NTM: variants seen among roughly 807,000 people sequenced by gnomAD.
NTM encodes neurotrimin.
In NTM, 13 loss-of-function variants were observed where a neutral mutation model predicts 42.1. That is an observed-to-expected ratio of 0.31 (90% CI 0.20 to 0.49). The LOEUF is 0.49. Ranked by LOEUF, NTM falls within the 20% of genes least tolerant of loss-of-function variation. The probability of loss-of-function intolerance (pLI) is 0.99; values close to 1 mark genes in which losing one functional copy is unlikely to be tolerated. For missense variants in NTM, 373 were observed against 452.8 expected (o/e 0.82, Z 1.60); for synonymous variants, 187 against 179.2 (o/e 1.04, Z -0.35).
chr11:131,728,788 G>A (rs528009383), intron 1 of NTM, among the ~76,000 whole-genome samples: 7 of 152,138 alleles, frequency 4.6e-5, no homozygotes, highest in South Asian at 2.1e-4. Context: ...AGGGCTGAAC[G>A]TCCCAACTCT....
At chr11:131,382,580 C>T (rs1942822229) in intron 1 of NTM, among the ~76,000 whole-genome samples, 1 of 152,090 alleles carries the variant, frequency 6.6e-6, no homozygotes, top group African/African-American at 2.4e-5. Flanking sequence ...CAAAACTTTG[C>T]CCCTCCCTAA....
chr11:131,883,801 C>T (rs1400339877), intron 1 of NTM, among the ~76,000 whole-genome samples: 1 of 152,184 alleles, frequency 6.6e-6, no homozygotes, highest in Non-Finnish European at 1.5e-5. Context: ...AGGTAAACTT[C>T]ACTCCCCTAC....
At chr11:131,660,573 C>T (rs1592409464) in intron 1 of NTM, 1 of 457,586 alleles carries the variant, frequency 2.2e-6, no homozygotes, top group South Asian at 1.5e-5. Flanking sequence ...AGCGGCTCCT[C>T]ATGCCTCGAA....
chr11:131,830,468 G>GATGGCTGT (rs2042680379), intron 1 of NTM, among the ~76,000 whole-genome samples: 1 of 152,172 alleles, frequency 6.6e-6, no homozygotes, highest in South Asian at 2.1e-4. Flanking sequence ...TCAAAGATCA[G>GATGGCTGT]ATGGCTGTAG....
At chr11:131,969,626 G>A (rs145970170) in intron 2 of NTM, among the ~76,000 whole-genome samples, 7 of 152,260 alleles carry the variant, frequency 4.6e-5, no homozygotes, top group African/African-American at 1.7e-4. Flanking sequence ...GGCATATGAT[G>A]TGAATAGAAG....
chr11:131,821,224 A>G (rs987107312), intron 1 of NTM, among the ~76,000 whole-genome samples: 2 of 152,204 alleles, frequency 1.3e-5, no homozygotes, highest in Non-Finnish European at 2.9e-5. Flanking sequence ...AAGCATTACC[A>G]TCATCCTAAT....
At chr11:131,789,617 A>AAGAAGAAGAAGAAGAAGAAGAAGG (rs2090423203) in intron 1 of NTM, among the ~76,000 whole-genome samples, 1 of 83,066 alleles carries the variant, frequency 1.2e-5, no homozygotes, top group Non-Finnish European at 2.4e-5. Flanking sequence ...GAAGAAGAAG[A>AAGAAGAAGAAGAAGAAGAAGAAGG]AGAAGAAGAA....
intron 1 of NTM, among the ~76,000 whole-genome samples, chr11:131,491,108 T>G (rs566998917): frequency 6.6e-6 from 1 of 151,662 alleles, no homozygotes; most frequent in Non-Finnish European, 1.5e-5. Flanking sequence ...TCATAGACCT[T>G]GAAAGAAACT....
At chr11:131,514,570 AT>A (rs1565587244) in intron 1 of NTM, among the ~76,000 whole-genome samples, 1 of 151,386 alleles carries the variant, frequency 6.6e-6, no homozygotes, top group Non-Finnish European at 1.5e-5. Flanking sequence ...TTGTTTTGTG[AT>A]TTATTTATTT....
intron 6 of NTM, among the ~76,000 whole-genome samples, chr11:132,313,720 A>G (rs2095345390): frequency 6.6e-6 from 1 of 152,146 alleles, no homozygotes; most frequent in Non-Finnish European, 1.5e-5. Flanking sequence ...TTACCCTTTT[A>G]TCTGCCTGGT....
intron 6 of NTM, among the ~76,000 whole-genome samples, chr11:132,314,030 T>C (rs528798317): frequency 6.6e-6 from 1 of 152,044 alleles, no homozygotes; most frequent in South Asian, 2.1e-4. Context: ...AAAAATTAAG[T>C]ATTATCTATA....
At chr11:132,078,428 C>T (rs1372938591) in intron 2 of NTM, among the ~76,000 whole-genome samples, 8 of 152,194 alleles carry the variant, frequency 5.3e-5, no homozygotes, top group Non-Finnish European at 8.8e-5. Flanking sequence ...TGAGTGCCAC[C>T]GGTGACGCTA....
At position 132,306,305 on chromosome 11, in the gene NTM, C is replaced by T. The variant is rs75790529; in HGVS notation, c.527-1384C>T. ...ATCGGTTTTTTACAGCTACTGTTTTCGTGCTCTGGGCCAGCAGAAACACGT... is the reference window on the plus strand; with the variant it reads ...ATCGGTTTTTTACAGCTACTGTTTTTGTGCTCTGGGCCAGCAGAAACACGT... On this transcript the variant is annotated intron_variant, in intron 4 of 8. Coordinates refer to ENST00000683400, the MANE Select transcript of NTM (RefSeq NM_001352005.2). 17 of 152,292 alleles carry T rather than the reference C, an allele frequency of 1.1e-4. No individual in the cohort carries two copies. In the East Asian group the frequency reaches 3.1e-3, roughly 28 times the overall value. The allele number at this position is 152,292 out of a possible 1,614,324, so 9.4% of individuals were successfully genotyped here.
chr11:131,843,551 C>G (rs2044547432), intron 1 of NTM, among the ~76,000 whole-genome samples: 1 of 152,202 alleles, frequency 6.6e-6, no homozygotes, highest in South Asian at 2.1e-4. Context: ...CCTGTAAAAA[C>G]AATGCTGCAA....
chr11:131,696,580 C>T (rs1332423788), intron 1 of NTM, among the ~76,000 whole-genome samples: 2 of 152,132 alleles, frequency 1.3e-5, no homozygotes, highest in Non-Finnish European at 2.9e-5. Context: ...CTAAGTGACC[C>T]TCCACTGTAC....
chr11:131,964,949 A>G (rs2062639819), intron 2 of NTM, among the ~76,000 whole-genome samples: 1 of 152,174 alleles, frequency 6.6e-6, no homozygotes, highest in South Asian at 2.1e-4. Flanking sequence ...CAAGAGATCA[A>G]TAAAACTTAC....
At chr11:132,229,141 T>G (rs1394505732) in intron 4 of NTM, among the ~76,000 whole-genome samples, 1 of 152,210 alleles carries the variant, frequency 6.6e-6, no homozygotes, top group East Asian at 1.9e-4. Flanking sequence ...CTCTGCATAG[T>G]GTCTGATATT....
At chr11:131,754,582 A>T (rs1431025835) in intron 1 of NTM, among the ~76,000 whole-genome samples, 3 of 151,214 alleles carry the variant, frequency 2.0e-5, no homozygotes, top group Admixed American at 1.3e-4. Context: ...CCGAGATTGC[A>T]CCACTGCACT....
Position 131,471,470 on chromosome 11 carries a change from T to G in NTM, c.82+100582T>G, listed in dbSNP as rs1952435819. 2.0e-5 allele frequency among the ~76,000 whole-genome samples: 3 copies of G among 152,186 alleles called. No homozygotes were observed. The South Asian group carries it at 6.2e-4, about 32-fold the overall frequency. ...ACATGAGTTATTTTGTTGTAATAGT[T>G]ACATGTGCTACTGAGGGATGGTGAG... On this transcript the variant is annotated intron_variant, in intron 1 of 8. Coordinates refer to ENST00000683400, the MANE Select transcript of NTM (RefSeq NM_001352005.2).
Sources: gnomAD v4.1 joint callset for allele counts (sites outside exome capture counted in the v4.1 genomes callset) on GRCh38, gnomAD v4.1.1 for gene constraint, MANE v1.5 for transcripts, NCBI Gene and HGNC (gene_info 2026-07-23, HGNC 2026-07-21) for gene names.